The following PIEZO2 variants were observed in gnomAD, a reference collection of about 807,000 sequenced individuals.
The protein encoded by PIEZO2 is piezo-type mechanosensitive ion channel component 2.
Under a neutral mutation model 337.3 loss-of-function variants are expected in PIEZO2, and 172 were observed. The ratio of observed to expected loss-of-function variants is 0.51; its 90% CI spans 0.45 to 0.58. PIEZO2 has a LOEUF of 0.58. Among genes scored for constraint, PIEZO2 ranks in the 20% least tolerant of loss-of-function variants. PIEZO2 has a pLI of 0.00. For synonymous variants in PIEZO2, 1,251 were observed against 1,228.5 expected, an observed-to-expected ratio of 1.02 and a Z score of -0.38; for missense variants, 3,028 against 3,391.3, an observed-to-expected ratio of 0.89 and a Z score of 2.66.
rs1403407689 is a variant in PIEZO2 at position 11,125,459 on chromosome 18, G to C, written c.64+23066C>G. 1.3e-5 allele frequency among the ~76,000 whole-genome samples: 2 copies of C among 152,064 alleles called. No homozygotes were observed. The highest frequency in any genetic ancestry group is 1.5e-5 in the Non-Finnish European group (1 of 68,022). On this transcript the variant is annotated intron_variant, in intron 1 of 55. Coordinates refer to ENST00000674853, the MANE Select transcript of PIEZO2 (RefSeq NM_001378183.1). The surrounding 1 kb of genome is among the most constrained non-coding windows in gnomAD (Gnocchi z 4.4). ...GTCATTCCTATCACATAAACAACTA[G>C]ACCCCTCTGTTTAGCTGACAAAACA...
At chr18:10,797,781 G>A (rs1016593824) in intron 11 of PIEZO2, among the ~76,000 whole-genome samples, 5 of 152,200 alleles carry the variant, frequency 3.3e-5, no homozygotes, top group African/African-American at 1.2e-4. Context: ...CTCTAAACCT[G>A]TCATCAGAGC....
Position 11,096,465 on chromosome 18 carries a change from A to C in PIEZO2, c.65-30243T>G, listed in dbSNP as rs909261976. Among the ~76,000 whole-genome samples, 1 of 152,174 alleles carries C rather than the reference A, an allele frequency of 6.6e-6. No individual in the cohort carries two copies. Among genetic ancestry groups the C allele is most frequent in the Non-Finnish European group, 1.5e-5 (1 of 68,026 alleles). On this transcript the variant is annotated intron_variant, in intron 1 of 55. Coordinates refer to ENST00000674853, the MANE Select transcript of PIEZO2 (RefSeq NM_001378183.1). The surrounding 1 kb of genome is among the most constrained non-coding windows in gnomAD (Gnocchi z 4.6). ...TTCTGCCTCCTAAGAGCTCTCGGAC[A>C]AATGCCTCCCTGTTTCTGGGTTTTG...
chr18:10,871,131 G>T, intron 5 of PIEZO2, 122 bp downstream of exon 5: 1 of 1,052,250 alleles, frequency 9.5e-7, no homozygotes, highest in Non-Finnish European at 1.3e-6. Flanking sequence ...AAACGTTTAT[G>T]TCAAGCACTG....
rs1006863038 is a variant in PIEZO2, at chr18:11,047,017, T to C, written c.160+19110A>G. ...TGGGACTCCTTAATATTCTAGTTTA[T>C]GCAATTCAGAACTACAGTATTAGGT... On this transcript the variant is annotated intron_variant, in intron 2 of 55. Transcript: ENST00000674853. This position sits in a 1 kb window ranked among gnomAD's most constrained non-coding sequence, Gnocchi z 7.2. Among the ~76,000 whole-genome samples, 1 of 152,228 alleles carries C rather than the reference T, an allele frequency of 6.6e-6. No homozygotes were observed. The highest frequency in any genetic ancestry group is 2.4e-5 in the African/African-American group (1 of 41,468).
rs532286013 is a variant in PIEZO2 at position 10,964,280 on chromosome 18, A to G, written c.286+15255T>C. On this transcript the variant is annotated intron_variant, in intron 3 of 55. Coordinates refer to ENST00000674853, the MANE Select transcript of PIEZO2 (RefSeq NM_001378183.1). ...TAGAGTACAATACATATCAATTCTG[A>G]GTGTATAGCACTGAAGCAATAAGAA... Among the ~76,000 whole-genome samples the G allele has an allele frequency of 1.6e-4, 25 of 152,328 alleles. No homozygotes were observed. In the South Asian group the frequency reaches 5.2e-3, roughly 32 times the overall value.
At chr18:11,107,912 T>C (rs1340000803) in intron 1 of PIEZO2, among the ~76,000 whole-genome samples, 3 of 152,226 alleles carry the variant, frequency 2.0e-5, no homozygotes, top group Non-Finnish European at 4.4e-5. Context: ...GTACACAGTA[T>C]ACGTTACTAA....
chr18:11,025,433 G>A (rs2036503500), intron 2 of PIEZO2, among the ~76,000 whole-genome samples: 2 of 152,122 alleles, frequency 1.3e-5, no homozygotes, highest in Non-Finnish European at 2.9e-5. Context: ...TGGGGACTGG[G>A]CCAGAATTCC....
chr18:11,089,127 G>A (rs757516395), intron 1 of PIEZO2, among the ~76,000 whole-genome samples: 2 of 152,006 alleles, frequency 1.3e-5, no homozygotes, highest in South Asian at 2.1e-4. Flanking sequence ...TCTTTGGGGC[G>A]GTCCCCTCCA....
chr18:10,715,739 T>G lies in PIEZO2; in HGVS notation c.5167A>C (p.Thr1723Pro). ...TCCCTTGAAATGGAGTTAAGCCAAGTAGTGAAACTGTCCACTGTTGCCAGA... is the reference window on the plus strand; with the variant it reads ...TCCCTTGAAATGGAGTTAAGCCAAGGAGTGAAACTGTCCACTGTTGCCAGA... ...LFLATVDSFT[T>P]WLNSISREHI... Residue 1723 changes from threonine (T) to proline (P), a missense_variant, in exon 38 of 56, where the codon ACT becomes CCT. Transcript: ENST00000674853. 2 of 1,535,824 alleles carry G rather than the reference T, an allele frequency of 1.3e-6. No individual in the cohort carries two copies. The highest frequency in any genetic ancestry group is 2.7e-5 in the African/African-American group (2 of 73,132).
rs776181765 is a variant in PIEZO2, at chr18:10,766,894, T to A, written c.2946+3254A>T. Among the ~76,000 whole-genome samples, 4 of 152,250 alleles carry A rather than the reference T, an allele frequency of 2.6e-5. No individual in the cohort carries two copies. The highest frequency in any genetic ancestry group is 3.4e-3 in the Middle Eastern group (1 of 294). ...TAATAAAGGCTCAATGAATGCTTAG[T>A]GAGAGTGAAAATAATAACAATGATG... On this transcript the variant is annotated intron_variant, in intron 21 of 55. Transcript: ENST00000674853. This position sits in a 1 kb window ranked among gnomAD's most constrained non-coding sequence, Gnocchi z 6.1.
In PIEZO2 at chr18:10,773,917, A is replaced by T. The variant is rs1352954808; in HGVS notation, c.2567+89T>A. 5 of 672,432 alleles carry T rather than the reference A, an allele frequency of 7.4e-6. No homozygotes were observed. In the East Asian group the frequency reaches 1.3e-4, roughly 18 times the overall value. The allele number at this position is 672,432 out of a possible 1,614,324, so 41.7% of individuals were successfully genotyped here. On this transcript the variant is annotated intron_variant, in intron 19 of 55. Coordinates refer to ENST00000674853, the MANE Select transcript of PIEZO2 (RefSeq NM_001378183.1). The surrounding 1 kb of genome is among the most constrained non-coding windows in gnomAD (Gnocchi z 5.3). ...AACACCTAAACTTGACATTTTTCCC[A>T]GAGGAGAAAATGGTCAGAGTTTAGG...
At chr18:10,730,973 G>A (rs1394291763) in intron 36 of PIEZO2, among the ~76,000 whole-genome samples, 1 of 151,980 alleles carries the variant, frequency 6.6e-6, no homozygotes, top group African/African-American at 2.4e-5. Context: ...TGATCCACTC[G>A]CCTTGGCCTC....
At chr18:10,970,950 A>G (rs1414818860) in intron 3 of PIEZO2, among the ~76,000 whole-genome samples, 1 of 152,240 alleles carries the variant, frequency 6.6e-6, no homozygotes, top group Admixed American at 6.5e-5. Flanking sequence ...GTTTCAGGTC[A>G]GAAAAGCTCT....
At position 11,125,970 on chromosome 18, in the gene PIEZO2, T is replaced by A. The variant is rs1162339636; in HGVS notation, c.64+22555A>T. 6.6e-6 allele frequency among the ~76,000 whole-genome samples: 1 copy of A among 152,202 alleles called. No homozygotes were observed. The highest frequency in any genetic ancestry group is 2.4e-5 in the African/African-American group (1 of 41,448). The stretch of plus-strand genomic sequence containing the variant: ...GCCTACCATAAGATGGACAGACAAG[T>A]AGCACGTGACTGTGGTTTTATCCAG... On this transcript the variant is annotated intron_variant, in intron 1 of 55. Transcript: ENST00000674853. The surrounding 1 kb of genome is among the most constrained non-coding windows in gnomAD (Gnocchi z 4.4).
Position 10,797,439 on chromosome 18 carries a change from C to T in PIEZO2, c.1462G>A (p.Ala488Thr), listed in dbSNP as rs1265081895. ...REEKRSIKVHAMVSVFQFIMK... is the reference protein window; with the variant it reads ...REEKRSIKVHTMVSVFQFIMK... ...ATAAATTGGAATACGGAGACCATGG[C>T]ATGAACTTTGATACTTCTTTTTTCC... Residue 488 changes from alanine to threonine, a missense_variant, in exon 12 of 56, where the codon GCC becomes ACC. By Grantham distance (58) the Ala-to-Thr change is moderately conservative. Transcript: ENST00000674853. The T allele has an allele frequency of 1.3e-6, 2 of 1,537,076 alleles. No homozygotes were observed. Among genetic ancestry groups the T allele is most frequent in the African/African-American group, 1.4e-5 (1 of 73,038 alleles).
rs2036573632 is a variant in PIEZO2 at position 10,727,062 on chromosome 18, G to A, written c.5029+4345C>T. 3.6e-6 allele frequency: 2 copies of A among 558,438 alleles called. No individual in the cohort carries two copies. The highest frequency in any genetic ancestry group is 6.1e-6 in the Non-Finnish European group (2 of 329,450). 34.6% of individuals were successfully genotyped at this position (558,438 alleles called of 1,614,324 possible). A position where few individuals can be genotyped will look rare whatever the true frequency, so the allele number is the denominator to read the frequency against. ...TTTCTTGGGGGGTGTTGGGAGGGCA[G>A]GAGCATTCCTTGAGAAGGAGTGGCA... On this transcript the variant is annotated intron_variant, in intron 36 of 55. Coordinates refer to ENST00000674853, the MANE Select transcript of PIEZO2 (RefSeq NM_001378183.1). This position sits in a 1 kb window ranked among gnomAD's most constrained non-coding sequence, Gnocchi z 6.3.
chr18:10,849,283 A>T (rs1054267342), intron 7 of PIEZO2, among the ~76,000 whole-genome samples: 2 of 152,202 alleles, frequency 1.3e-5, no homozygotes, highest in African/African-American at 2.4e-5. Flanking sequence ...AAGTGTTGAG[A>T]TTACAGGCTT....
chr18:10,907,877 T>C (rs901111862), intron 4 of PIEZO2, among the ~76,000 whole-genome samples: 5 of 152,138 alleles, frequency 3.3e-5, no homozygotes, highest in African/African-American at 1.2e-4. Context: ...AAAAATTGAG[T>C]CTGCTTTTGT....
intron 2 of PIEZO2, among the ~76,000 whole-genome samples, chr18:10,994,506 T>A (rs1361962880): frequency 6.6e-6 from 1 of 150,416 alleles, no homozygotes; most frequent in Non-Finnish European, 1.5e-5. Context: ...GCCTCCAGGG[T>A]TCAAGCAATT....
Sources: allele counts gnomAD v4.1 joint callset (sites outside exome capture counted in the v4.1 genomes callset), GRCh38; gene constraint gnomAD v4.1.1; non-coding constraint Gnocchi (gnomAD v3.1); transcripts MANE v1.5; gene names NCBI Gene and HGNC (gene_info 2026-07-23, HGNC 2026-07-21).